Variants in DCTN5 observed in about 807,000 individuals in gnomAD.
DCTN5 encodes dynactin subunit 5, also known as dynactin 4.
In DCTN5, 14 loss-of-function variants were observed where a neutral mutation model predicts 23.5. The ratio of observed to expected loss-of-function variants is 0.60; its 90% CI spans 0.39 to 0.93. The LOEUF is 0.93. Ranked by LOEUF, DCTN5 falls within the 40% of genes least tolerant of loss-of-function variation. The pLI, the probability that DCTN5 is intolerant of heterozygous loss-of-function variation, is 0.00. For missense variants in DCTN5, 156 were observed against 225.9 expected, an observed-to-expected ratio of 0.69 and a Z score of 1.98; for synonymous variants, 67 against 79.6, an observed-to-expected ratio of 0.84 and a Z score of 0.84.
chr16:23,674,149 T>G lies in DCTN5; in HGVS notation c.*7005T>G, dbSNP rs993257352. 4 of 152,154 alleles carry G rather than the reference T, an allele frequency of 2.6e-5. No individual in the cohort carries two copies. The highest frequency in any genetic ancestry group is 5.9e-5 in the Non-Finnish European group (4 of 68,024). 9.4% of individuals were successfully genotyped at this position (152,154 alleles called of 1,614,324 possible). ...CTGCTACTGTCTGCCTTGAGCTGTT[T>G]TAGCCTCAACACGAGCTATGCTGAA... On this transcript the variant is annotated 3_prime_UTR_variant, in exon 6 of 6. Coordinates refer to ENST00000300087, the MANE Select transcript of DCTN5 (RefSeq NM_032486.4).
intron 2 of DCTN5, among the ~76,000 whole-genome samples, chr16:23,645,956 G>T (rs960821043): frequency 1.3e-5 from 2 of 152,192 alleles, no homozygotes; most frequent in Admixed American, 1.3e-4. Context: ...AAAAGAGCGT[G>T]ATTGCTGGGA....
chr16:23,666,889 G>C, intron 5 of DCTN5, 158 bp from the exon 6 acceptor site: 1 of 1,192,480 alleles, frequency 8.4e-7, no homozygotes. Context: ...AAAAAGTTTA[G>C]CTGTTCTTAG....
At position 23,673,054 on chromosome 16, in the gene DCTN5, G is replaced by T. The variant is rs1376820323; in HGVS notation, c.*5910G>T. 1.3e-5 allele frequency: 2 copies of T among 151,760 alleles called. No homozygotes were observed. Among genetic ancestry groups the T allele is most frequent in the Admixed American group, 6.6e-5 (1 of 15,242 alleles). 9.4% of individuals were successfully genotyped at this position (151,760 alleles called of 1,614,324 possible). A position where few individuals can be genotyped will look rare whatever the true frequency, so the allele number is the denominator to read the frequency against. ...GAGGCAGGAGAATGGCGCGAACCCA[G>T]GGGGCGGAGCTTGCAGTGAGCTGTA... On this transcript the variant is annotated 3_prime_UTR_variant, in exon 6 of 6. Coordinates refer to ENST00000300087, the MANE Select transcript of DCTN5 (RefSeq NM_032486.4).
intron 3 of DCTN5, among the ~76,000 whole-genome samples, chr16:23,659,928 T>G (rs149262831): frequency 6.6e-6 from 1 of 151,968 alleles, no homozygotes; most frequent in Admixed American, 6.6e-5. Flanking sequence ...GCACCAAGAG[T>G]GAACAAGGGG....
rs1967943462 is a variant in DCTN5 at position 23,668,338 on chromosome 16, A to T, written c.*1194A>T. On this transcript the variant is annotated 3_prime_UTR_variant, in exon 6 of 6. Coordinates refer to ENST00000300087, the MANE Select transcript of DCTN5 (RefSeq NM_032486.4). ...GGGGTTTGCAAAACAAAACAGCTGTATGTAATCATTGCCACTAGTTCCATC... is the reference window on the plus strand; with the variant it reads ...GGGGTTTGCAAAACAAAACAGCTGTTTGTAATCATTGCCACTAGTTCCATC... 3 of 152,260 alleles carry T rather than the reference A, an allele frequency of 2.0e-5. No individual in the cohort carries two copies. Among genetic ancestry groups the T allele is most frequent in the Admixed American group, 2.0e-4 (3 of 15,292 alleles). The allele number at this position is 152,260 out of a possible 1,614,324, so 9.4% of individuals were successfully genotyped here.
intron 2 of DCTN5, among the ~76,000 whole-genome samples, chr16:23,654,621 T>C (rs540048983): frequency 1.1e-3 from 171 of 152,290 alleles, no homozygotes; most frequent in African/African-American, 3.9e-3. Context: ...TTAAAAAAAA[T>C]TATTTCCTTC....
chr16:23,641,481 CT>C lies in DCTN5; in HGVS notation c.-61del. ...AGGAGCGGCCGGAAGTAGCCGGAAT[CT>C]CTGAAAGACTGACCGACTGACTCTG... On this transcript the variant is annotated 5_prime_UTR_variant, in exon 1 of 6. Transcript: ENST00000300087. The C allele has an allele frequency of 6.2e-7, 1 of 1,601,986 alleles. No homozygotes were observed. Among genetic ancestry groups the C allele is most frequent in the Non-Finnish European group, 8.5e-7 (1 of 1,170,276 alleles).
chr16:23,647,357 G>A (rs377618432), intron 2 of DCTN5, among the ~76,000 whole-genome samples: 11 of 152,122 alleles, frequency 7.2e-5, no homozygotes, highest in Middle Eastern at 3.4e-3. Flanking sequence ...TGATCCGCCC[G>A]CCTTGGCCTA....
At chr16:23,658,701 T>C (rs1967757210) in intron 3 of DCTN5, 76 bp downstream of exon 3, 6 of 1,125,538 alleles carry the variant, frequency 5.3e-6, no homozygotes, top group Non-Finnish European at 8.1e-6. Context: ...TGTTGAGTTG[T>C]GGTATAATGA....
chr16:23,661,800 C>T (rs1308651095), intron 4 of DCTN5, among the ~76,000 whole-genome samples: 1 of 151,924 alleles, frequency 6.6e-6, no homozygotes, highest in African/African-American at 2.4e-5. Context: ...AAGCGTTTAT[C>T]AAGTCTCCTC....
rs1967971148 is a variant in DCTN5, at chr16:23,669,611, G to A, written c.*2467G>A. On this transcript the variant is annotated 3_prime_UTR_variant, in exon 6 of 6. Coordinates refer to ENST00000300087, the MANE Select transcript of DCTN5 (RefSeq NM_032486.4). ...GTGGCAGATGATATTACCTGAAGAA[G>A]GGACGAATGGGTGCTGGGCAGGACA... 1 of 152,794 alleles carries A rather than the reference G, an allele frequency of 6.5e-6. No individual in the cohort carries two copies. The highest frequency in any genetic ancestry group is 2.1e-4 in the South Asian group (1 of 4,824). The allele number at this position is 152,794 out of a possible 1,614,324, so 9.5% of individuals were successfully genotyped here.
At chr16:23,659,836 T>G (rs1032373925) in intron 3 of DCTN5, among the ~76,000 whole-genome samples, 3 of 152,330 alleles carry the variant, frequency 2.0e-5, no homozygotes, top group Middle Eastern at 3.4e-3. Flanking sequence ...TGGTACCCTA[T>G]TATGGTTTTA....
intron 2 of DCTN5, chr16:23,651,180 A>G (rs1330136561): frequency 3.7e-6 from 4 of 1,085,628 alleles, no homozygotes; most frequent in Non-Finnish European, 4.5e-6. Flanking sequence ...TTCAACCTCC[A>G]CTTTGCTATC....
chr16:23,660,996 A>G (rs1281290794), intron 3 of DCTN5, among the ~76,000 whole-genome samples, 174 bp from the exon 4 acceptor site: 1 of 152,090 alleles, frequency 6.6e-6, no homozygotes, highest in African/African-American at 2.4e-5. Flanking sequence ...TGAACTAGTA[A>G]TCATATTCAT....
intron 4 of DCTN5, among the ~76,000 whole-genome samples, chr16:23,665,149 C>T (rs1967882650): frequency 6.6e-6 from 1 of 152,174 alleles, no homozygotes; most frequent in Non-Finnish European, 1.5e-5. Flanking sequence ...GGTTGGGGTC[C>T]ATCAGACTAA....
chr16:23,648,816 T>C (rs1406412614), intron 2 of DCTN5, among the ~76,000 whole-genome samples: 1 of 152,118 alleles, frequency 6.6e-6, no homozygotes, highest in Non-Finnish European at 1.5e-5. Flanking sequence ...AAGTGGTACC[T>C]CATTGTGGTC....
chr16:23,650,883 G>A, intron 2 of DCTN5: 1 of 1,407,094 alleles, frequency 7.1e-7, no homozygotes. Context: ...CTGGTGAATT[G>A]GAGAATGTGA....
At chr16:23,646,610 C>T (rs952684197) in intron 2 of DCTN5, among the ~76,000 whole-genome samples, 3 of 151,860 alleles carry the variant, frequency 2.0e-5, no homozygotes, top group Non-Finnish European at 4.4e-5. Flanking sequence ...GAGTTTCCCT[C>T]TTGTCATCCA....
At chr16:23,658,458 A>T (rs1431623894) in intron 2 of DCTN5, 49 bp from the exon 3 acceptor site, 39 of 1,200,518 alleles carry the variant, frequency 3.2e-5, no homozygotes, top group South Asian at 1.2e-4. Flanking sequence ...TTTTTTTGTT[A>T]CGTCTTAGGC....
Sources: gnomAD v4.1 joint callset for allele counts (sites outside exome capture counted in the v4.1 genomes callset) on GRCh38, gnomAD v4.1.1 for gene constraint, MANE v1.5 for transcripts, NCBI Gene and HGNC (gene_info 2026-07-23, HGNC 2026-07-21) for gene names.